COG5: variants seen among roughly 807,000 people sequenced by gnomAD.
The protein encoded by COG5 is component of oligomeric golgi complex 5.
In COG5, 86 loss-of-function variants were observed where a neutral mutation model predicts 110.4. The observed-to-expected ratio is 0.78, with a 90% confidence interval of 0.65 to 0.93. The LOEUF (loss-of-function observed/expected upper bound fraction) is 0.93. Among genes scored for constraint, COG5 ranks in the 40% least tolerant of loss-of-function variants. The pLI, the probability that COG5 is intolerant of heterozygous loss-of-function variation, is 0.00. For synonymous variants in COG5, 360 were observed against 334.6 expected (o/e 1.08, Z -0.83); for missense variants, 1,077 against 987.0 (o/e 1.09, Z -1.22).
At chr7:107,413,187 C>CT (rs11445827) in intron 6 of COG5, among the ~76,000 whole-genome samples, 30,285 of 150,832 alleles carry the variant, frequency 0.2, 3,295 homozygotes, top group East Asian at 0.33. Context: ...CAACTATTCT[C>CT]TTTTTTTTTA....
At chr7:107,473,955 AT>A in intron 6 of COG5, 1 of 525,380 alleles carries the variant, frequency 1.9e-6, no homozygotes. Flanking sequence ...CAATTGAAAG[AT>A]TTTTTTTCTT....
intron 2 of COG5, 122 bp from the exon 3 acceptor site, chr7:107,554,464 A>C: frequency 1.2e-6 from 1 of 862,420 alleles, no homozygotes. Flanking sequence ...CAAAAGAAAA[A>C]ACCACAGGTT....
intron 6 of COG5, among the ~76,000 whole-genome samples, chr7:107,509,145 T>C (rs1049198480): frequency 6.6e-5 from 10 of 151,994 alleles, no homozygotes; most frequent in Non-Finnish European, 1.0e-4. Context: ...GTTAAAAACC[T>C]TGAAAAAAAA....
chr7:107,357,790 T>C (rs1812762227), intron 10 of COG5, among the ~76,000 whole-genome samples: 1 of 152,214 alleles, frequency 6.6e-6, no homozygotes, highest in Non-Finnish European at 1.5e-5. Flanking sequence ...TGCTTCAGAC[T>C]CCTGAATATC....
chr7:107,284,594 C>G (rs534745965), intron 12 of COG5, among the ~76,000 whole-genome samples: 2 of 152,316 alleles, frequency 1.3e-5, no homozygotes, highest in East Asian at 3.9e-4. Flanking sequence ...CACGTAAATA[C>G]TCCCAAGTGG....
chr7:107,238,972 A>T (rs1801413618), intron 17 of COG5, among the ~76,000 whole-genome samples: 1 of 152,176 alleles, frequency 6.6e-6, no homozygotes, highest in Non-Finnish European at 1.5e-5. Context: ...GCTGTTCAGA[A>T]GCTTTTTAGA....
At chr7:107,433,950 C>A (rs1385191653) in intron 6 of COG5, among the ~76,000 whole-genome samples, 1 of 151,914 alleles carries the variant, frequency 6.6e-6, no homozygotes, top group African/African-American at 2.4e-5. Flanking sequence ...AGAAATCCTA[C>A]AATTAAGAAA....
chr7:107,445,305 C>G (rs994489897), intron 6 of COG5, among the ~76,000 whole-genome samples: 4 of 152,180 alleles, frequency 2.6e-5, no homozygotes, highest in African/African-American at 9.7e-5. Context: ...ATACACATTT[C>G]TAAAGGTTTA....
Position 107,522,904 on chromosome 7 carries a change from T to A in COG5, c.538+4333A>T, listed in dbSNP as rs547325642. Reference sequence around the variant, plus strand: ...GTTCCATTGATCTTTATGTCTTGATTACTTCAAGGAGTCTTTGTAATAAGT... The same window carrying A: ...GTTCCATTGATCTTTATGTCTTGATAACTTCAAGGAGTCTTTGTAATAAGT... On this transcript the variant is annotated intron_variant, in intron 6 of 21. Transcript: ENST00000297135. Among the ~76,000 whole-genome samples the A allele has an allele frequency of 2.0e-5, 3 of 152,364 alleles. No individual in the cohort carries two copies. In the South Asian group the frequency reaches 6.2e-4, roughly 32 times the overall value.
intron 6 of COG5, among the ~76,000 whole-genome samples, chr7:107,434,706 C>T (rs752412774): frequency 6.6e-6 from 1 of 152,162 alleles, no homozygotes; most frequent in East Asian, 1.9e-4. Flanking sequence ...CGCGGTGGCT[C>T]ACGCCTGTAA....
intron 8 of COG5, among the ~76,000 whole-genome samples, chr7:107,365,239 A>G (rs933153684): frequency 2.6e-5 from 4 of 152,168 alleles, no homozygotes; most frequent in African/African-American, 9.6e-5. Flanking sequence ...CCTCATAGAT[A>G]TAATACTTGA....
chr7:107,316,716 C>A (rs150483923), intron 11 of COG5, among the ~76,000 whole-genome samples: 23,021 of 149,310 alleles, frequency 0.15, 2,239 homozygotes, highest in Non-Finnish European at 0.21. Flanking sequence ...GCTATAGTCC[C>A]AGCTACTCGG....
At chr7:107,318,997 G>A (rs1215536655) in intron 11 of COG5, among the ~76,000 whole-genome samples, 3 of 151,730 alleles carry the variant, frequency 2.0e-5, no homozygotes, top group African/African-American at 7.3e-5. Flanking sequence ...TGCTTGATGT[G>A]TCCCATGGGT....
chr7:107,444,874 T>G (rs1275487404), intron 6 of COG5, among the ~76,000 whole-genome samples: 4 of 152,146 alleles, frequency 2.6e-5, no homozygotes, highest in Non-Finnish European at 5.9e-5. Context: ...CCTCATAATT[T>G]CTTATAACTG....
chr7:107,541,929 C>CAAAAAAA (rs1382090684), intron 5 of COG5, among the ~76,000 whole-genome samples: 1 of 110,276 alleles, frequency 9.1e-6, no homozygotes. Flanking sequence ...GACTCCATCT[C>CAAAAAAA]AAAAAAGAAA....
intron 10 of COG5, among the ~76,000 whole-genome samples, chr7:107,327,026 A>G (rs1426003227): frequency 4.6e-5 from 7 of 151,942 alleles, no homozygotes; most frequent in African/African-American, 1.7e-4. Context: ...CCCAAATAAA[A>G]CCCATCCAAA....
At position 107,419,390 on chromosome 7, in the gene COG5, A is replaced by G. The variant is rs182363769; in HGVS notation, c.539-6758T>C. ...AATGAATACAATGCTTATTCCAACTAAAAATAATTTCTTAACCTTTAAAGA... is the reference window on the plus strand; with the variant it reads ...AATGAATACAATGCTTATTCCAACTGAAAATAATTTCTTAACCTTTAAAGA... On this transcript the variant is annotated intron_variant, in intron 6 of 21. Transcript: ENST00000297135. Among the ~76,000 whole-genome samples the G allele has an allele frequency of 4.5e-3, 687 of 152,186 alleles. 18 individuals carry two copies. Among genetic ancestry groups the G allele is most frequent in the East Asian group, 1.9e-3 (10 of 5,194 alleles).
At chr7:107,252,228 T>C (rs1802570586) in intron 16 of COG5, among the ~76,000 whole-genome samples, 1 of 152,120 alleles carries the variant, frequency 6.6e-6, no homozygotes, top group African/African-American at 2.4e-5. Flanking sequence ...TGGAACCCTG[T>C]CTTTAAACAA....
At chr7:107,412,676 A>T in intron 6 of COG5, 44 bp from the exon 7 acceptor site, 1 of 1,205,118 alleles carries the variant, frequency 8.3e-7, no homozygotes, top group Non-Finnish European at 1.2e-6. Flanking sequence ...TTCAATACTG[A>T]ATAAATATCA....
Sources: allele counts gnomAD v4.1 joint callset (sites outside exome capture counted in the v4.1 genomes callset), GRCh38; gene constraint gnomAD v4.1.1; transcripts MANE v1.5; gene names NCBI Gene and HGNC (gene_info 2026-07-23, HGNC 2026-07-21).